Variants in ANK1 observed in about 807,000 individuals in gnomAD.
ANK1 encodes ankyrin-1.
A neutral mutation model predicts 210.4 loss-of-function variants in ANK1; 51 were observed. That is an observed-to-expected ratio of 0.24 (90% confidence interval 0.19 to 0.31). The LOEUF is 0.31. Ranked by LOEUF, ANK1 falls within the 10% of genes least tolerant of loss-of-function variation. ANK1 has a pLI of 1.00. For missense variants in ANK1, 2,051 were observed against 2,504.4 expected (o/e 0.82, Z 3.86); for synonymous variants, 967 against 1,025.9 (o/e 0.94, Z 1.10).
At chr8:41,769,557 T>C (rs1399982606) in intron 1 of ANK1, among the ~76,000 whole-genome samples, 6 of 152,170 alleles carry the variant, frequency 3.9e-5, no homozygotes, top group African/African-American at 1.4e-4. Context: ...TATAATACTT[T>C]TAAAAACACG....
At chr8:41,759,705 A>G (rs1457170688) in intron 1 of ANK1, among the ~76,000 whole-genome samples, 1 of 152,220 alleles carries the variant, frequency 6.6e-6, no homozygotes, top group Non-Finnish European at 1.5e-5. Context: ...TGGTATCTAC[A>G]GGGGGTTCTG....
At chr8:41,892,236 GC>G (rs1026044521) in intron 1 of ANK1, among the ~76,000 whole-genome samples, 5 of 149,058 alleles carry the variant, frequency 3.4e-5, no homozygotes, top group East Asian at 2.0e-4. Context: ...TCACGCAGGT[GC>G]CCCCCCACCC....
intron 1 of ANK1, among the ~76,000 whole-genome samples, chr8:41,766,901 C>T (rs570851967): frequency 1.8e-3 from 268 of 152,298 alleles, no homozygotes; most frequent in Non-Finnish European, 3.3e-3. Context: ...GTGCCGCAAG[C>T]CAGGTCCCCG....
chr8:41,730,244 A>T (rs1301395290), intron 3 of ANK1, among the ~76,000 whole-genome samples: 1 of 151,992 alleles, frequency 6.6e-6, no homozygotes, highest in South Asian at 2.1e-4. Context: ...AGGCAGCCCC[A>T]TGAGGCCGCC....
chr8:41,816,517 C>G (rs1254390944), intron 1 of ANK1, among the ~76,000 whole-genome samples: 1 of 152,166 alleles, frequency 6.6e-6, no homozygotes, highest in Non-Finnish European at 1.5e-5. Context: ...TAGCTCACTA[C>G]AACCTCGAAC....
chr8:41,813,427 T>A (rs1454565044), intron 1 of ANK1, among the ~76,000 whole-genome samples: 1 of 152,178 alleles, frequency 6.6e-6, no homozygotes, highest in Non-Finnish European at 1.5e-5. Context: ...TAGATAAACA[T>A]CTCAAGAAAC....
chr8:41,859,254 C>T (rs1812799335), intron 1 of ANK1, among the ~76,000 whole-genome samples: 1 of 152,234 alleles, frequency 6.6e-6, no homozygotes, highest in Non-Finnish European at 1.5e-5. Context: ...ACGGCACCTA[C>T]GGGAAATTTC....
intron 1 of ANK1, among the ~76,000 whole-genome samples, chr8:41,772,296 A>G (rs1843113416): frequency 6.6e-6 from 1 of 152,266 alleles, no homozygotes. Context: ...TTTTCTGAGC[A>G]TTGATTTCTT....
At chr8:41,815,269 C>T (rs1373502934) in intron 1 of ANK1, among the ~76,000 whole-genome samples, 1 of 151,964 alleles carries the variant, frequency 6.6e-6, no homozygotes, top group African/African-American at 2.4e-5. Context: ...TTTGATAAAA[C>T]ACAGAATCCT....
intron 22 of ANK1, among the ~76,000 whole-genome samples, chr8:41,700,851 C>T (rs1319501874): frequency 6.6e-6 from 1 of 152,182 alleles, no homozygotes; most frequent in Non-Finnish European, 1.5e-5. Flanking sequence ...CAGCCTCAAG[C>T]TCCTGGACTC....
chr8:41,888,219 C>T (rs934519521), intron 1 of ANK1, among the ~76,000 whole-genome samples: 4 of 152,252 alleles, frequency 2.6e-5, no homozygotes, highest in Admixed American at 1.3e-4. Flanking sequence ...TTCCTCCTAA[C>T]CCGTCCCCCT....
chr8:41,764,606 G>A (rs1008439521), intron 1 of ANK1, among the ~76,000 whole-genome samples: 26 of 152,254 alleles, frequency 1.7e-4, no homozygotes, highest in Admixed American at 1.6e-3. Context: ...ACAAGCCCTG[G>A]CCACCAGTGA....
At chr8:41,722,283 GA>G (rs1829462778) in intron 9 of ANK1, among the ~76,000 whole-genome samples, 1 of 152,242 alleles carries the variant, frequency 6.6e-6, no homozygotes, top group Non-Finnish European at 1.5e-5. Context: ...CCAGTGTGGG[GA>G]CTATGAATCA....
chr8:41,730,420 C>G (rs572199462), intron 3 of ANK1, among the ~76,000 whole-genome samples: 2 of 151,122 alleles, frequency 1.3e-5, no homozygotes, highest in East Asian at 1.9e-4. Flanking sequence ...GCCTGGGAAA[C>G]AGTGAGACCC....
At chr8:41,772,412 C>T (rs1843130275) in intron 1 of ANK1, among the ~76,000 whole-genome samples, 1 of 152,210 alleles carries the variant, frequency 6.6e-6, no homozygotes, top group African/African-American at 2.4e-5. Flanking sequence ...CTATCAATGA[C>T]AGCTGATGCT....
chr8:41,696,079 G>T (rs1006415697), intron 26 of ANK1, among the ~76,000 whole-genome samples: 1 of 152,170 alleles, frequency 6.6e-6, no homozygotes, highest in African/African-American at 2.4e-5. Context: ...TTACAACGAC[G>T]GGGTCTTGCT....
At chr8:41,805,215 CTCTCTCTCTG>C (rs1850778563) in intron 1 of ANK1, among the ~76,000 whole-genome samples, 1 of 151,072 alleles carries the variant, frequency 6.6e-6, no homozygotes. Context: ...TTGTCTCTCT[CTCTCTCTCTG>C]TCTCTCTCTC....
At chr8:41,678,742 A>T (rs1815003669) in intron 37 of ANK1, among the ~76,000 whole-genome samples, 1 of 152,224 alleles carries the variant, frequency 6.6e-6, no homozygotes, top group Non-Finnish European at 1.5e-5. Flanking sequence ...CCTGAAATAC[A>T]GTTACAATCA....
At chr8:41,793,638 T>C (rs1848189953) in intron 1 of ANK1, among the ~76,000 whole-genome samples, 1 of 152,216 alleles carries the variant, frequency 6.6e-6, no homozygotes, top group African/African-American at 2.4e-5. Flanking sequence ...TTCCCCTCTA[T>C]CACAGCTCTG....
Sources: allele counts gnomAD v4.1 joint callset (sites outside exome capture counted in the v4.1 genomes callset), GRCh38; gene constraint gnomAD v4.1.1; transcripts MANE v1.5; gene names NCBI Gene and HGNC (gene_info 2026-07-23, HGNC 2026-07-21).